ZZEF1: variants seen among roughly 807,000 people sequenced by gnomAD.
ZZEF1 encodes the protein zinc finger ZZ-type and EF-hand domain containing 1.
Under a neutral mutation model 342.8 loss-of-function variants are expected in ZZEF1, and 157 were observed. The observed-to-expected ratio is 0.46, with a 90% CI of 0.40 to 0.52. The LOEUF (loss-of-function observed/expected upper bound fraction) is 0.52, where lower values mean the gene tolerates loss of function less well. ZZEF1 is among the 20% of genes least tolerant of loss of function. The pLI is 0.00. For synonymous variants in ZZEF1, 1,505 were observed against 1,429.1 expected (o/e 1.05, Z -1.20); for missense variants, 3,480 against 3,725.6 (o/e 0.93, Z 1.72).
In ZZEF1 at chr17:4,012,242, G is replaced by A. The variant is rs977584084; in HGVS notation, c.8579+1207C>T. Among the ~76,000 whole-genome samples, 4 of 152,180 alleles carry A rather than the reference G, an allele frequency of 2.6e-5. No homozygotes were observed. In the South Asian group the frequency reaches 6.2e-4, roughly 24 times the overall value. Reference sequence around the variant, plus strand: ...AAGTGAACAGAGCTAAGCCCATGTGGGGCTGAGTGATCCTGTCTGTGTATG... The same window carrying A: ...AAGTGAACAGAGCTAAGCCCATGTGAGGCTGAGTGATCCTGTCTGTGTATG... On this transcript the variant is annotated intron_variant, in intron 52 of 54. Coordinates refer to ENST00000381638, the MANE Select transcript of ZZEF1 (RefSeq NM_015113.4).
intron 1 of ZZEF1, among the ~76,000 whole-genome samples, chr17:4,131,214 G>A (rs1253193761): frequency 6.6e-6 from 1 of 152,060 alleles, no homozygotes; most frequent in East Asian, 1.9e-4. Flanking sequence ...GAATCCCCAG[G>A]ATGACGGAGC....
intron 34 of ZZEF1, among the ~76,000 whole-genome samples, chr17:4,052,447 A>T (rs2057069773): frequency 6.6e-6 from 1 of 152,226 alleles, no homozygotes; most frequent in South Asian, 2.1e-4. Flanking sequence ...ACTAACAAAG[A>T]GTAAGCTTCT....
In ZZEF1 at chr17:4,050,913, C is replaced by T. The variant is rs758252836; in HGVS notation, c.5731G>A (p.Ala1911Thr). The change falls in exon 36 of 55, where the codon GCC (alanine) becomes ACC (threonine). Residue 1911 changes from alanine to threonine, a missense_variant. Ala to Thr is a moderately conservative substitution (Grantham distance 58). This residue lies in a region of ZZEF1 where 1,269 missense variants were observed against 1,342.4 expected (regional missense o/e 0.95). Coordinates refer to ENST00000381638, the MANE Select transcript of ZZEF1 (RefSeq NM_015113.4). ...ACATCCTCTGCACTGGCCAGGTGGG[C>T]GCTATAGAGAGCCAGGGCAGCAAAG... ...LLFAALALYS[A>T]HLASAEDVDG... 9.9e-6 allele frequency: 16 copies of T among 1,614,136 alleles called. No homozygotes were observed. The highest frequency in any genetic ancestry group is 2.2e-5 in the East Asian group (1 of 44,878).
Position 4,096,691 on chromosome 17 carries a change from G to A in ZZEF1, c.1682C>T (p.Thr561Met), listed in dbSNP as rs1457631843. 4 of 1,613,692 alleles carry A rather than the reference G, an allele frequency of 2.5e-6. No individual in the cohort carries two copies. Among genetic ancestry groups the A allele is most frequent in the East Asian group, 2.2e-5 (1 of 44,874 alleles). The part of the protein sequence containing the change: ...VEPWTRDGFL[T>M]ETGKTRASTI... ...GCTGGCTCTGGTTTTTCCAGTTTCC[G>A]TAAGAAAACCTGAAAAAAGGGAAAA... The change falls in exon 10 of 55, where the codon ACG becomes ATG. Residue 561 changes from threonine (T) to methionine (M), a missense_variant. This residue lies in a region of ZZEF1 where 1,528 missense variants were observed against 1,624.1 expected (regional missense o/e 0.94). Coordinates refer to ENST00000381638, the MANE Select transcript of ZZEF1 (RefSeq NM_015113.4).
At chr17:4,024,194 T>TTTGTTG (rs1555578416) in intron 43 of ZZEF1, among the ~76,000 whole-genome samples, 1 of 131,208 alleles carries the variant, frequency 7.6e-6, no homozygotes, top group African/African-American at 3.3e-5. Flanking sequence ...AGGTTTTTTT[T>TTTGTTG]TTTTTTTTTT....
chr17:4,060,352 G>A (rs541270413), intron 30 of ZZEF1, among the ~76,000 whole-genome samples: 2 of 152,236 alleles, frequency 1.3e-5, no homozygotes, highest in East Asian at 1.9e-4. Flanking sequence ...ATCAATTGAG[G>A]TCAGGAGTTC....
Position 4,072,595 on chromosome 17 carries a change from G to T in ZZEF1, c.3834+13C>A. On this transcript the variant is annotated intron_variant, in intron 25 of 54. Transcript: ENST00000381638. ...TTCCAGTCTAAATAGAAAGAAAACG[G>T]AAGAGTAAATACCTCCTTACTATTC... The T allele has an allele frequency of 6.3e-7, 1 of 1,591,388 alleles. No individual in the cohort carries two copies. The highest frequency in any genetic ancestry group is 1.1e-5 in the South Asian group (1 of 87,784).
intron 4 of ZZEF1, among the ~76,000 whole-genome samples, chr17:4,113,929 AC>A (rs1021664673): frequency 7.9e-5 from 12 of 152,158 alleles, no homozygotes; most frequent in African/African-American, 2.7e-4. Flanking sequence ...TGGCTGCACC[AC>A]TGCACTCCAG....
chr17:4,049,715 G>T lies in ZZEF1; in HGVS notation c.6008C>A (p.Ala2003Glu). 1 of 1,613,974 alleles carries T rather than the reference G, an allele frequency of 6.2e-7. No homozygotes were observed. The highest frequency in any genetic ancestry group is 1.1e-5 in the South Asian group (1 of 91,048). ...TAAAGAATCGTCATTTACATTGCCT[G>T]CTTCTGACAGCTCAGCACCCTGGAC... ...KAVQGAELSE[A>E]GNGKRAVHEE... Residue 2003 changes from alanine to glutamate, a missense_variant, in exon 37 of 55, where the codon GCA becomes GAA. Around this residue, in one of 5 missense-constraint regions of ZZEF1, gnomAD observed 1,269 missense variants for 1,342.4 expected, o/e 0.95. Transcript: ENST00000381638.
Position 4,005,756 on chromosome 17 carries a change from C to G in ZZEF1, c.*1134G>C, listed in dbSNP as rs2055787231. 6.6e-6 allele frequency: 1 copy of G among 152,324 alleles called. No individual in the cohort carries two copies. The allele number at this position is 152,324 out of a possible 1,614,324, so 9.4% of individuals were successfully genotyped here. On this transcript the variant is annotated 3_prime_UTR_variant, in exon 55 of 55. Coordinates refer to ENST00000381638, the MANE Select transcript of ZZEF1 (RefSeq NM_015113.4). ...GGTGGGACGTGCTTCGGCCCAGACA[C>G]TGCCCCTAAAGGCATGCTCCAACCC...
At position 4,016,586 on chromosome 17, in the gene ZZEF1, C is replaced by T. The variant is rs77977292; in HGVS notation, c.8002-120G>A. Reference sequence around the variant, plus strand: ...GCATCATCTTAGACCTAGGACGAGCCTCTGTGACTCCACCACCCAAAACCA... The same window carrying T: ...GCATCATCTTAGACCTAGGACGAGCTTCTGTGACTCCACCACCCAAAACCA... On this transcript the variant is annotated intron_variant, in intron 48 of 54. Coordinates refer to ENST00000381638, the MANE Select transcript of ZZEF1 (RefSeq NM_015113.4). This position sits in a 1 kb window ranked among gnomAD's most constrained non-coding sequence, Gnocchi z 4.4. The T allele has an allele frequency of 1.1e-3, 1,370 of 1,250,132 alleles. 11 individuals carry two copies. The African/African-American group carries it at 0.011, about 10-fold the overall frequency. 77.4% of individuals were successfully genotyped at this position (1,250,132 alleles called of 1,614,324 possible).
chr17:4,103,098 A>ATCCCT (rs2058153553), intron 8 of ZZEF1, among the ~76,000 whole-genome samples: 1 of 152,146 alleles, frequency 6.6e-6, no homozygotes. Context: ...ACTACCTGCT[A>ATCCCT]TCCCTTCTAT....
chr17:4,073,436 C>T (rs1287750401), intron 24 of ZZEF1, among the ~76,000 whole-genome samples: 1 of 150,248 alleles, frequency 6.7e-6, no homozygotes, highest in Non-Finnish European at 1.5e-5. Context: ...ACATCTTTTT[C>T]CTTTTGTTTT....
Position 4,142,646 on chromosome 17 carries a change from G to C in ZZEF1, c.250C>G (p.Leu84Val), listed in dbSNP as rs778692609. 2.5e-6 allele frequency: 4 copies of C among 1,607,282 alleles called. No individual in the cohort carries two copies. Among genetic ancestry groups the C allele is most frequent in the South Asian group, 1.1e-5 (1 of 91,052 alleles). The stretch of plus-strand genomic sequence containing the variant: ...TCGCCGCGGCCCAGCCGCTCTTCCA[G>C]CCAGCGAAACAACGCGCCGCGATGC... ...SRHRGALFRW[L>V]EERLGRGEES... is the part of the protein sequence containing the mutation. The change falls in exon 1 of 55, where the codon CTG becomes GTG. Residue 84 changes from leucine (L) to valine (V), a missense_variant. Coordinates refer to ENST00000381638, the MANE Select transcript of ZZEF1 (RefSeq NM_015113.4).
chr17:4,112,142 A>C (rs77303824), intron 5 of ZZEF1, among the ~76,000 whole-genome samples: 2,377 of 109,556 alleles, frequency 0.022, 126 homozygotes, highest in African/African-American at 0.074. Context: ...TTCTTCTATA[A>C]TTTCCTTCTT....
chr17:4,012,792 C>T (rs527564447), intron 52 of ZZEF1, among the ~76,000 whole-genome samples: 15 of 152,078 alleles, frequency 9.9e-5, no homozygotes, highest in Non-Finnish European at 1.8e-4. Context: ...CTGGATATAA[C>T]GGCAATATAC....
chr17:4,135,072 T>C (rs975430550), intron 1 of ZZEF1, among the ~76,000 whole-genome samples: 1 of 152,036 alleles, frequency 6.6e-6, no homozygotes, highest in African/African-American at 2.4e-5. Context: ...AGCTCAGATA[T>C]TACAGTAAGG....
At chr17:4,045,712 T>C (rs970327107) in intron 37 of ZZEF1, among the ~76,000 whole-genome samples, 3 of 152,126 alleles carry the variant, frequency 2.0e-5, no homozygotes, top group Non-Finnish European at 4.4e-5. Context: ...CAACCACACA[T>C]GTCACTTGAT....
At chr17:4,141,802 C>T (rs2058855409) in intron 1 of ZZEF1, among the ~76,000 whole-genome samples, 1 of 151,696 alleles carries the variant, frequency 6.6e-6, no homozygotes, top group Admixed American at 6.6e-5. Context: ...GTCTTCTTAA[C>T]TCGAAGTGAA....
Sources: gnomAD v4.1 joint callset for allele counts (sites outside exome capture counted in the v4.1 genomes callset) on GRCh38, gnomAD v4.1.1 for gene constraint, gnomAD v4.1.1 regional missense constraint, Gnocchi (gnomAD v3.1) non-coding constraint, MANE v1.5 for transcripts, NCBI Gene and HGNC (gene_info 2026-07-23, HGNC 2026-07-21) for gene names.